RPTOR: variants seen among roughly 807,000 people sequenced by gnomAD.
RPTOR encodes the protein regulatory-associated protein of mTOR.
RPTOR carries 21 observed loss-of-function variants against 169.9 expected under a neutral mutation model. The observed-to-expected ratio is 0.12, with a 90% CI of 0.09 to 0.18. The LOEUF (loss-of-function observed/expected upper bound fraction) is 0.18. RPTOR is among the 10% of genes least tolerant of loss of function. The probability of loss-of-function intolerance (pLI) is 1.00; values close to 1 mark genes in which losing one functional copy is unlikely to be tolerated. For missense variants in RPTOR, 1,133 were observed against 1,855.9 expected (o/e 0.61, Z 7.16); for synonymous variants, 732 against 753.2 (o/e 0.97, Z 0.46).
At chr17:80,789,780 G>T (rs719781) in intron 6 of RPTOR, among the ~76,000 whole-genome samples, 27 of 152,094 alleles carry the variant, frequency 1.8e-4, no homozygotes, top group Admixed American at 1.6e-3. Flanking sequence ...TAAGGGTCAC[G>T]GCCCTTCCAT....
chr17:80,870,578 C>T (rs2068041337), intron 13 of RPTOR, among the ~76,000 whole-genome samples: 2 of 152,210 alleles, frequency 1.3e-5, no homozygotes, highest in African/African-American at 4.8e-5. Flanking sequence ...TGTCATCCAG[C>T]GATGACTCAG....
chr17:80,686,758 T>G (rs2065951195), intron 3 of RPTOR, among the ~76,000 whole-genome samples: 1 of 152,136 alleles, frequency 6.6e-6, no homozygotes, highest in Non-Finnish European at 1.5e-5. Context: ...ATCAGCTTTG[T>G]GAGAGGATGA....
Position 80,823,011 on chromosome 17 carries a change from G to A in RPTOR, c.992-68G>A. 1 of 1,533,996 alleles carries A rather than the reference G, an allele frequency of 6.5e-7. No individual in the cohort carries two copies. The highest frequency in any genetic ancestry group is 2.3e-5 in the East Asian group (1 of 44,212). ...AGTAATTTTTGATAGAAGTGAATTT[G>A]TGTATTTGGCTTTAAATGCTAGACA... On this transcript the variant is annotated intron_variant, in intron 8 of 33. Coordinates refer to ENST00000306801, the MANE Select transcript of RPTOR (RefSeq NM_020761.3). This position sits in a 1 kb window ranked among gnomAD's most constrained non-coding sequence, Gnocchi z 4.5.
At chr17:80,766,432 C>T (rs2143393812) in intron 6 of RPTOR, among the ~76,000 whole-genome samples, 1 of 152,286 alleles carries the variant, frequency 6.6e-6, no homozygotes, top group South Asian at 2.1e-4. Flanking sequence ...TCACTGCATC[C>T]TTGAACTCCT....
intron 13 of RPTOR, among the ~76,000 whole-genome samples, chr17:80,859,593 G>A (rs771840500): frequency 5.9e-5 from 9 of 152,292 alleles, no homozygotes; most frequent in East Asian, 5.8e-4. Flanking sequence ...CGGAGGAGCC[G>A]GCATCAGGGC....
At position 80,635,734 on chromosome 17, in the gene RPTOR, C is replaced by T. The variant is rs59799126; in HGVS notation, c.266-7994C>T. On this transcript the variant is annotated intron_variant, in intron 2 of 33. Transcript: ENST00000306801. ...GGACCAGGGTGGTTCTGGATGAGTG[C>T]GTGGAGGAGCTTCTGGTCAGCATTG... is the stretch of plus-strand genomic sequence containing the variant. 1.9e-3 allele frequency among the ~76,000 whole-genome samples: 283 copies of T among 152,162 alleles called. 2 individuals are homozygous for T. The highest frequency in any genetic ancestry group is 6.3e-3 in the African/African-American group (262 of 41,528).
At chr17:80,649,340 G>T (rs2065621701) in intron 3 of RPTOR, among the ~76,000 whole-genome samples, 1 of 152,178 alleles carries the variant, frequency 6.6e-6, no homozygotes. Context: ...ATTGCGATTG[G>T]CAGCATCCCT....
At position 80,957,035 on chromosome 17, in the gene RPTOR, T is replaced by C. The variant is rs1360755595; in HGVS notation, c.3371-589T>C. ...GAAGACTCAGAGTTCCAGCTCAGAA[T>C]TGTCGCCCCAGCCTGGACTTGGGAG... On this transcript the variant is annotated intron_variant, in intron 28 of 33. Coordinates refer to ENST00000306801, the MANE Select transcript of RPTOR (RefSeq NM_020761.3). This position sits in a 1 kb window ranked among gnomAD's most constrained non-coding sequence, Gnocchi z 4.6. 6.6e-6 allele frequency among the ~76,000 whole-genome samples: 1 copy of C among 152,200 alleles called. No individual in the cohort carries two copies. Among genetic ancestry groups the C allele is most frequent in the Non-Finnish European group, 1.5e-5 (1 of 68,034 alleles).
chr17:80,725,320 T>C (rs2066322357), intron 4 of RPTOR, among the ~76,000 whole-genome samples: 1 of 152,254 alleles, frequency 6.6e-6, no homozygotes, highest in South Asian at 2.1e-4. Context: ...AAGTGGATTG[T>C]AATGAAGAAA....
At chr17:80,913,684 C>T (rs1324583522) in intron 21 of RPTOR, among the ~76,000 whole-genome samples, 78 of 152,244 alleles carry the variant, frequency 5.1e-4, no homozygotes, top group Middle Eastern at 3.4e-3. Flanking sequence ...AACTCCTAGG[C>T]TCAAGTGATT....
intron 2 of RPTOR, among the ~76,000 whole-genome samples, chr17:80,632,003 T>A (rs138373491): frequency 1.8e-4 from 28 of 152,332 alleles, no homozygotes; most frequent in African/African-American, 6.5e-4. Flanking sequence ...ATGTTGTTTT[T>A]CCTGCATTAT....
At chr17:80,692,261 G>A (rs778336453) in intron 3 of RPTOR, among the ~76,000 whole-genome samples, 1 of 151,142 alleles carries the variant, frequency 6.6e-6, no homozygotes, top group Non-Finnish European at 1.5e-5. Context: ...ATAGGTGCAC[G>A]CCACCATGTC....
At chr17:80,753,238 A>G (rs893623249) in intron 5 of RPTOR, among the ~76,000 whole-genome samples, 5 of 152,166 alleles carry the variant, frequency 3.3e-5, no homozygotes, top group African/African-American at 1.2e-4. Flanking sequence ...TCAAACTCAC[A>G]TTTTGTGGTT....
chr17:80,599,973 CTG>C (rs1401112268), intron 1 of RPTOR, among the ~76,000 whole-genome samples: 1 of 152,198 alleles, frequency 6.6e-6, no homozygotes, highest in Non-Finnish European at 1.5e-5. Flanking sequence ...AAAAATAAGA[CTG>C]TTTCTCATTC....
At chr17:80,816,283 G>A (rs950302831) in intron 7 of RPTOR, among the ~76,000 whole-genome samples, 2 of 152,198 alleles carry the variant, frequency 1.3e-5, no homozygotes, top group African/African-American at 4.8e-5. Flanking sequence ...GCAGGGTGCC[G>A]CAGAGGAGGT....
intron 5 of RPTOR, among the ~76,000 whole-genome samples, chr17:80,735,383 C>T (rs1380684468): frequency 2.0e-5 from 3 of 152,170 alleles, no homozygotes; most frequent in Non-Finnish European, 4.4e-5. Flanking sequence ...AGTCATCGTA[C>T]ACAGTATATG....
intron 1 of RPTOR, among the ~76,000 whole-genome samples, chr17:80,613,244 T>C (rs2065284344): frequency 6.6e-6 from 1 of 152,228 alleles, no homozygotes; most frequent in Non-Finnish European, 1.5e-5. Flanking sequence ...AGTGACACTT[T>C]GCCTTGCAAA....
At chr17:80,941,613 A>G (rs74423223) in intron 25 of RPTOR, among the ~76,000 whole-genome samples, 1,933 of 152,344 alleles carry the variant, frequency 0.013, 28 homozygotes, top group African/African-American at 0.044. Context: ...AATCAGCACC[A>G]TCAAAAGTCA....
At chr17:80,635,802 G>GAGTGAAGGCAGATGAGGT (rs950634264) in intron 2 of RPTOR, among the ~76,000 whole-genome samples, 1 of 152,152 alleles carries the variant, frequency 6.6e-6, no homozygotes, top group African/African-American at 2.4e-5. Context: ...GCAACCTGAA[G>GAGTGAAGGCAGATGAGGT]AGTGAAGGCA....
Sources: gnomAD v4.1 joint callset for allele counts (sites outside exome capture counted in the v4.1 genomes callset) on GRCh38, gnomAD v4.1.1 for gene constraint, Gnocchi (gnomAD v3.1) non-coding constraint, MANE v1.5 for transcripts, NCBI Gene and HGNC (gene_info 2026-07-23, HGNC 2026-07-21) for gene names.